Variants in PDE3A observed in about 807,000 individuals in gnomAD.
PDE3A encodes cGMP-inhibited 3',5'-cyclic phosphodiesterase 3A.
A neutral mutation model predicts 98.3 loss-of-function variants in PDE3A; 43 were observed. That is an observed-to-expected ratio of 0.44 (90% CI 0.34 to 0.56). The LOEUF (loss-of-function observed/expected upper bound fraction) is 0.56. Among genes scored for constraint, PDE3A ranks in the 20% least tolerant of loss-of-function variants. The pLI, the probability that PDE3A is intolerant of heterozygous loss-of-function variation, is 0.01. For synonymous variants in PDE3A, 663 were observed against 567.9 expected (o/e 1.17, Z -2.38); for missense variants, 1,427 against 1,440.7 (o/e 0.99, Z 0.15).
Position 20,650,475 on chromosome 12 carries a change from A to G in PDE3A, c.2800A>G (p.Asn934Asp), listed in dbSNP as rs1284163105. ...TGATGATGTTGGAATAGATTGGACC[A>G]ATGAAAATGATCGTCTACTGGTTTG... ...VNDDVGIDWT[N>D]ENDRLLVCQM... Residue 934 changes from asparagine to aspartate, a missense_variant, in exon 14 of 16, where the codon AAT (asparagine) becomes GAT (aspartate). By Grantham distance (23) the Asn-to-Asp change is conservative. Transcript: ENST00000359062. 1 of 1,610,524 alleles carries G rather than the reference A, an allele frequency of 6.2e-7. No individual in the cohort carries two copies. The highest frequency in any genetic ancestry group is 1.3e-5 in the African/African-American group (1 of 74,864).
At chr12:20,427,714 A>G (rs1944624511) in intron 1 of PDE3A, among the ~76,000 whole-genome samples, 1 of 152,112 alleles carries the variant, frequency 6.6e-6, no homozygotes, top group African/African-American at 2.4e-5. Context: ...TTTATAATGT[A>G]TGTATTTTTT....
Position 20,680,310 on chromosome 12 carries a change from T to G in PDE3A, c.*39T>G. 6.2e-7 allele frequency: 1 copy of G among 1,607,220 alleles called. No individual in the cohort carries two copies. The highest frequency in any genetic ancestry group is 8.5e-7 in the Non-Finnish European group (1 of 1,175,520). On this transcript the variant is annotated 3_prime_UTR_variant, in exon 16 of 16. Coordinates refer to ENST00000359062, the MANE Select transcript of PDE3A (RefSeq NM_000921.5). ...GGGCTGTGTTTCCAAACAGATTGAC[T>G]TGTCAAAGACTCTCTTCAAGCCAGC...
In PDE3A at chr12:20,621,002, AG is replaced by A. The variant is rs369785926; in HGVS notation, c.1425-293del. ...AAATCTGTGAGGAACGTAATTTTAG[AG>A]TACAGTGAGAAGGTGTTTAATTTTT... On this transcript the variant is annotated intron_variant, in intron 4 of 15. Transcript: ENST00000359062. Among the ~76,000 whole-genome samples, 220 of 152,184 alleles carry A rather than the reference AG, an allele frequency of 1.4e-3. 1 individual carries two copies. The highest frequency in any genetic ancestry group is 5.0e-3 in the African/African-American group (209 of 41,558).
At chr12:20,615,010 C>T (rs201846750) in intron 3 of PDE3A, among the ~76,000 whole-genome samples, 10,786 of 122,358 alleles carry the variant, frequency 0.088, 639 homozygotes, top group African/African-American at 0.13. Context: ...CTTTCTTTCT[C>T]TCTTTCTTTT....
intron 1 of PDE3A, among the ~76,000 whole-genome samples, chr12:20,436,786 C>G (rs567845940): frequency 4.9e-4 from 74 of 152,236 alleles, no homozygotes; most frequent in Non-Finnish European, 9.4e-4. Flanking sequence ...TAATAAAGAT[C>G]ATGTGCATAT....
chr12:20,453,605 C>T (rs533745800), intron 1 of PDE3A, among the ~76,000 whole-genome samples: 75 of 152,166 alleles, frequency 4.9e-4, no homozygotes, highest in African/African-American at 1.7e-3. Flanking sequence ...GTTCAATTTT[C>T]GCTTAAAGGA....
chr12:20,401,501 C>A (rs929887742), intron 1 of PDE3A, among the ~76,000 whole-genome samples: 1 of 152,112 alleles, frequency 6.6e-6, no homozygotes, highest in Admixed American at 6.6e-5. Context: ...TTGAAGCGTG[C>A]CTTTTCTCTC....
At chr12:20,418,945 C>G (rs369114063) in intron 1 of PDE3A, among the ~76,000 whole-genome samples, 93 of 152,098 alleles carry the variant, frequency 6.1e-4, no homozygotes, top group African/African-American at 2.2e-3. Flanking sequence ...AAGTAATTCT[C>G]TCTTGTTAGG....
At chr12:20,555,606 T>C (rs1264788903) in intron 1 of PDE3A, among the ~76,000 whole-genome samples, 1 of 152,204 alleles carries the variant, frequency 6.6e-6, no homozygotes, top group African/African-American at 2.4e-5. Context: ...TTATATTCTT[T>C]CAAAATTAAA....
intron 1 of PDE3A, among the ~76,000 whole-genome samples, chr12:20,420,257 G>T (rs1944489982): frequency 6.6e-6 from 1 of 152,056 alleles, no homozygotes; most frequent in African/African-American, 2.4e-5. Flanking sequence ...AGACTATTTG[G>T]CAGTATTCTT....
chr12:20,454,332 G>A (rs7304649), intron 1 of PDE3A, among the ~76,000 whole-genome samples: 138,618 of 152,174 alleles, frequency 0.91, 63,946 homozygotes, highest in East Asian at 1. Context: ...TCACCACTCT[G>A]TCTTTACCTA....
intron 1 of PDE3A, among the ~76,000 whole-genome samples, chr12:20,394,450 G>T (rs1361555871): frequency 6.6e-6 from 1 of 151,944 alleles, no homozygotes; most frequent in African/African-American, 2.4e-5. Flanking sequence ...CCTCTTTGTG[G>T]CACTTTGGGC....
At chr12:20,621,919 A>G (rs1944146012) in intron 5 of PDE3A, among the ~76,000 whole-genome samples, 1 of 152,112 alleles carries the variant, frequency 6.6e-6, no homozygotes, top group African/African-American at 2.4e-5. Context: ...TGCTCACCCA[A>G]AACTGTAAAA....
intron 1 of PDE3A, among the ~76,000 whole-genome samples, chr12:20,497,508 T>C (rs889843362): frequency 4.0e-5 from 6 of 151,112 alleles, no homozygotes; most frequent in South Asian, 4.2e-4. Context: ...TTAAAAAACA[T>C]AGGTTCTACA....
At chr12:20,656,195 C>A (rs966877097) in intron 15 of PDE3A, among the ~76,000 whole-genome samples, 5 of 152,152 alleles carry the variant, frequency 3.3e-5, no homozygotes, top group African/African-American at 1.2e-4. Flanking sequence ...ACCAAAAATA[C>A]AACCAGTGAA....
At chr12:20,643,109 A>C (rs929254140) in intron 10 of PDE3A, among the ~76,000 whole-genome samples, 4 of 152,136 alleles carry the variant, frequency 2.6e-5, no homozygotes, top group African/African-American at 9.7e-5. Context: ...TAGTGTATGC[A>C]TGTGCGTCTA....
intron 15 of PDE3A, among the ~76,000 whole-genome samples, chr12:20,679,297 G>A (rs1945711381): frequency 6.6e-6 from 1 of 152,086 alleles, no homozygotes; most frequent in African/African-American, 2.4e-5. Context: ...GCCCAGGCTG[G>A]AGTGCAGTGG....
At chr12:20,406,010 C>T (rs1404947334) in intron 1 of PDE3A, among the ~76,000 whole-genome samples, 1 of 152,174 alleles carries the variant, frequency 6.6e-6, no homozygotes, top group African/African-American at 2.4e-5. Flanking sequence ...AGCATGATAT[C>T]CTACAGGTTC....
intron 1 of PDE3A, among the ~76,000 whole-genome samples, chr12:20,420,442 G>A (rs528151704): frequency 1.9e-4 from 29 of 152,292 alleles, no homozygotes; most frequent in Non-Finnish European, 3.7e-4. Flanking sequence ...ATGTAGGGTA[G>A]AGGCTACCCT....
Sources: allele counts gnomAD v4.1 joint callset (sites outside exome capture counted in the v4.1 genomes callset), GRCh38; gene constraint gnomAD v4.1.1; transcripts MANE v1.5; gene names NCBI Gene and HGNC (gene_info 2026-07-23, HGNC 2026-07-21).